Variants in CUZD1 observed in about 807,000 individuals in gnomAD.
CUZD1 encodes the protein CUB and zona pellucida-like domain-containing protein 1.
Under a neutral mutation model 53.1 loss-of-function variants are expected in CUZD1, and 42 were observed. That is an observed-to-expected ratio of 0.79 (90% CI 0.62 to 1.02). The LOEUF (loss-of-function observed/expected upper bound fraction) is 1.02, where lower values mean the gene tolerates loss of function less well. CUZD1 is among the 50% of genes least tolerant of loss of function. The probability of loss-of-function intolerance (pLI) is 0.00; values close to 1 mark genes in which losing one functional copy is unlikely to be tolerated. For synonymous variants in CUZD1, 238 were observed against 257.2 expected, an observed-to-expected ratio of 0.93 and a Z score of 0.71; for missense variants, 670 against 715.7, an observed-to-expected ratio of 0.94 and a Z score of 0.73.
intron 2 of CUZD1, 38 bp downstream of exon 2, chr10:122,841,140 T>A: frequency 1.3e-6 from 2 of 1,581,666 alleles, no homozygotes; most frequent in Non-Finnish European, 1.7e-6. Flanking sequence ...TGGTCAGAGT[T>A]CGATATCCCT....
intron 1 of CUZD1, among the ~76,000 whole-genome samples, 182 bp downstream of exon 1, chr10:122,845,580 G>A (rs1847424546): frequency 6.6e-6 from 1 of 151,970 alleles, no homozygotes. Flanking sequence ...ATATTTTTAT[G>A]GACATTGTCA....
At chr10:122,841,723 C>T (rs1369807766) in intron 1 of CUZD1, among the ~76,000 whole-genome samples, 1 of 152,222 alleles carries the variant, frequency 6.6e-6, no homozygotes, top group Non-Finnish European at 1.5e-5. Context: ...ATTTCACAAT[C>T]CAACCAATGA....
intron 5 of CUZD1, 37 bp downstream of exon 5, chr10:122,836,794 G>T: frequency 6.6e-7 from 1 of 1,515,562 alleles, no homozygotes; most frequent in South Asian, 1.1e-5. Flanking sequence ...AATCTTCGAA[G>T]AGCTCAAAAT....
rs1006782951 is a variant in CUZD1 at position 122,841,384 on chromosome 10, G to A, written c.83-56C>T. On this transcript the variant is annotated intron_variant, in intron 1 of 8. Transcript: ENST00000392790. ...AGTCAACAGGCCCTTTCCCCTCCCTGAGAGATTAGGAATCTACCTCTCACA... is the reference window on the plus strand; with the variant it reads ...AGTCAACAGGCCCTTTCCCCTCCCTAAGAGATTAGGAATCTACCTCTCACA... 12 of 1,497,162 alleles carry A rather than the reference G, an allele frequency of 8.0e-6. 1 individual carries two copies. The African/African-American group carries it at 1.1e-4, about 14-fold the overall frequency. 92.7% of individuals were successfully genotyped at this position (1,497,162 alleles called of 1,614,324 possible).
At chr10:122,844,678 G>C (rs969679302) in intron 1 of CUZD1, among the ~76,000 whole-genome samples, 1 of 151,934 alleles carries the variant, frequency 6.6e-6, no homozygotes, top group Non-Finnish European at 1.5e-5. Context: ...GACCAGCCTG[G>C]GCAACATAGT....
chr10:122,837,360 G>A lies in CUZD1; in HGVS notation c.599+44C>T, dbSNP rs1348216803. ...CCCCAAATCCCCCAGTTGCCAGGTG[G>A]GTTTACTGCATTTGTTCCAACAGAA... is the stretch of plus-strand genomic sequence containing the variant. On this transcript the variant is annotated intron_variant, in intron 4 of 8. Coordinates refer to ENST00000392790, the MANE Select transcript of CUZD1 (RefSeq NM_022034.6). 3 of 1,605,410 alleles carry A rather than the reference G, an allele frequency of 1.9e-6. 1 individual carries two copies. In the South Asian group the frequency reaches 3.3e-5, roughly 18 times the overall value.
chr10:122,840,765 A>G (rs1488412461), intron 2 of CUZD1, among the ~76,000 whole-genome samples: 1 of 152,206 alleles, frequency 6.6e-6, no homozygotes, highest in Non-Finnish European at 1.5e-5. Flanking sequence ...CATATGGTGT[A>G]CAGCCTGGGA....
At chr10:122,844,872 T>C (rs1847411416) in intron 1 of CUZD1, among the ~76,000 whole-genome samples, 1 of 152,086 alleles carries the variant, frequency 6.6e-6, no homozygotes, top group Admixed American at 6.5e-5. Flanking sequence ...TCCCATATAC[T>C]CCCATAACCC....
Position 122,832,183 on chromosome 10 carries a change from C to T in CUZD1, c.*95G>A, listed in dbSNP as rs917582603. On this transcript the variant is annotated 3_prime_UTR_variant, in exon 9 of 9. Coordinates refer to ENST00000392790, the MANE Select transcript of CUZD1 (RefSeq NM_022034.6). ...TGCAGGCCTGTGTGTCACTTTCAGG[C>T]CCTTCCTCATTTATTCATAATATGT... is the stretch of plus-strand genomic sequence containing the variant. The T allele has an allele frequency of 7.9e-7, 1 of 1,269,504 alleles. No homozygotes were observed. Among genetic ancestry groups the T allele is most frequent in the Non-Finnish European group, 1.1e-6 (1 of 891,936 alleles). The allele number at this position is 1,269,504 out of a possible 1,614,324, so 78.6% of individuals were successfully genotyped here.
chr10:122,832,855 C>T (rs1000686731), intron 8 of CUZD1, among the ~76,000 whole-genome samples: 6 of 152,116 alleles, frequency 3.9e-5, no homozygotes, highest in Non-Finnish European at 7.4e-5. Flanking sequence ...GATGGTATTT[C>T]CATAATGACT....
rs767418253 is a variant in CUZD1 at position 122,841,256 on chromosome 10, A to C, written c.155T>G (p.Leu52Arg). The change falls in exon 2 of 9, where the codon CTC becomes CGC. Residue 52 changes from leucine to arginine, a missense_variant. Physicochemically the swap from Leu to Arg is moderately radical, Grantham distance 102 (BLOSUM62 -2). Coordinates refer to ENST00000392790, the MANE Select transcript of CUZD1 (RefSeq NM_022034.6). The stretch of plus-strand genomic sequence containing the variant: ...CCAGGTGCAGTTCTCACTGGGATTG[A>C]GTTGCAGGATCATGGCTTTGTGGGT... Reference protein sequence around the residue: ...AETHKAMILQLNPSENCTWTI... With the variant: ...AETHKAMILQRNPSENCTWTI... 1.9e-6 allele frequency: 3 copies of C among 1,613,980 alleles called. No homozygotes were observed. The highest frequency in any genetic ancestry group is 2.5e-6 in the Non-Finnish European group (3 of 1,179,914).
rs975656118 is a variant in CUZD1 at position 122,839,082 on chromosome 10, A to G, written c.383T>C (p.Val128Ala). 8.7e-6 allele frequency: 14 copies of G among 1,614,032 alleles called. No homozygotes were observed. In the Admixed American group the frequency reaches 2.3e-4, roughly 27 times the overall value. ...TCTTTGAATTCTTGCTGAGTCAGTA[A>G]CTATTTGAAACGTCAATGTACTGGA... Reference protein sequence around the residue: ...SSSSTLTFQIVTDSARIQRTV... With the variant: ...SSSSTLTFQIATDSARIQRTV... Residue 128 changes from valine to alanine, a missense_variant, in exon 3 of 9, where the codon GTT becomes GCT. Physicochemically the swap from Val to Ala is moderately conservative, Grantham distance 64. Transcript: ENST00000392790.
chr10:122,833,541 TAA>T (rs1277870549), intron 8 of CUZD1, 129 bp downstream of exon 8: 1 of 972,510 alleles, frequency 1.0e-6, no homozygotes, highest in African/African-American at 1.6e-5. Context: ...CCTATATACT[TAA>T]AATTCAACTT....
At chr10:122,840,505 G>C (rs1389473716) in intron 2 of CUZD1, among the ~76,000 whole-genome samples, 1 of 152,040 alleles carries the variant, frequency 6.6e-6, no homozygotes, top group Non-Finnish European at 1.5e-5. Flanking sequence ...TGACTTCTCT[G>C]TGTTTTCTTA....
chr10:122,843,012 G>A (rs967561359), intron 1 of CUZD1, among the ~76,000 whole-genome samples: 3 of 152,172 alleles, frequency 2.0e-5, no homozygotes, highest in African/African-American at 4.8e-5. Context: ...ACTGCTTATG[G>A]GATTGTAAAG....
intron 1 of CUZD1, among the ~76,000 whole-genome samples, chr10:122,845,522 C>T (rs951735921): frequency 2.0e-5 from 3 of 152,138 alleles, no homozygotes; most frequent in Non-Finnish European, 2.9e-5. Context: ...ATTTCCAAAA[C>T]ATAAACTCTT....
chr10:122,843,906 GATAT>G (rs1454025529), intron 1 of CUZD1, among the ~76,000 whole-genome samples: 1 of 142,910 alleles, frequency 7.0e-6, no homozygotes, highest in Non-Finnish European at 1.5e-5. Flanking sequence ...TATATTGTTA[GATAT>G]ATTTATATAT....
chr10:122,839,971 T>G (rs1847312613), intron 2 of CUZD1, among the ~76,000 whole-genome samples: 1 of 152,230 alleles, frequency 6.6e-6, no homozygotes, highest in Non-Finnish European at 1.5e-5. Flanking sequence ...CTACTTCTCA[T>G]TACTGTGTGA....
At position 122,832,271 on chromosome 10, in the gene CUZD1, C is replaced by G; in HGVS notation, c.*7G>C. The stretch of plus-strand genomic sequence containing the variant: ...AAACATGTCTCACTTAGGGTTGGAC[C>G]TGTTAGTTAATAGTTCTGCAGCTTC... On this transcript the variant is annotated 3_prime_UTR_variant, in exon 9 of 9. Transcript: ENST00000392790. The G allele has an allele frequency of 6.2e-7, 1 of 1,613,428 alleles. No individual in the cohort carries two copies. Among genetic ancestry groups the G allele is most frequent in the Non-Finnish European group, 8.5e-7 (1 of 1,179,496 alleles).
Sources: allele counts gnomAD v4.1 joint callset (sites outside exome capture counted in the v4.1 genomes callset), GRCh38; gene constraint gnomAD v4.1.1; transcripts MANE v1.5; gene names NCBI Gene and HGNC (gene_info 2026-07-23, HGNC 2026-07-21).